The following BMPR1B variants were observed in gnomAD, a reference collection of about 807,000 sequenced individuals.
BMPR1B encodes the protein bone morphogenetic protein receptor type-1B.
BMPR1B carries 12 observed loss-of-function variants against 59.1 expected under a neutral mutation model. That is an observed-to-expected ratio of 0.20 (90% CI 0.13 to 0.33). The LOEUF (loss-of-function observed/expected upper bound fraction) is 0.33, where lower values mean the gene tolerates loss of function less well. Ranked by LOEUF, BMPR1B falls within the 10% of genes least tolerant of loss-of-function variation. The pLI is 1.00. For synonymous variants in BMPR1B, 237 were observed against 207.3 expected, an observed-to-expected ratio of 1.14 and a Z score of -1.23; for missense variants, 550 against 610.9, an observed-to-expected ratio of 0.90 and a Z score of 1.05.
intron 10 of BMPR1B, among the ~76,000 whole-genome samples, chr4:95,141,049 G>A (rs1734197892): frequency 6.6e-6 from 1 of 152,152 alleles, no homozygotes; most frequent in Non-Finnish European, 1.5e-5. Context: ...TCAGATGTTG[G>A]CTGTGCAGAC....
At chr4:94,848,364 T>G (rs1725424150) in intron 1 of BMPR1B, among the ~76,000 whole-genome samples, 1 of 152,216 alleles carries the variant, frequency 6.6e-6, no homozygotes, top group African/African-American at 2.4e-5. Flanking sequence ...AATTAATCAC[T>G]GCTTTGACTT....
intron 2 of BMPR1B, among the ~76,000 whole-genome samples, chr4:94,934,843 T>C (rs944048430): frequency 2.0e-5 from 3 of 152,148 alleles, no homozygotes; most frequent in Admixed American, 2.0e-4. Flanking sequence ...AGTTTTCTTT[T>C]TTCATATTTT....
chr4:94,898,529 AG>A (rs1052906363), intron 2 of BMPR1B, among the ~76,000 whole-genome samples: 2 of 151,946 alleles, frequency 1.3e-5, no homozygotes, highest in Non-Finnish European at 2.9e-5. Context: ...TCCTTTGCTC[AG>A]CGTTTCTTTT....
intron 8 of BMPR1B, among the ~76,000 whole-genome samples, chr4:95,125,465 C>T (rs1732840919): frequency 6.6e-6 from 1 of 152,126 alleles, no homozygotes; most frequent in African/African-American, 2.4e-5. Context: ...AGTATTACAA[C>T]CAACTGGCTT....
Position 95,114,790 on chromosome 4 carries a change from C to T in BMPR1B, c.214C>T (p.Leu72=), listed in dbSNP as rs759149974. The change falls in exon 5 of 13, where the codon CTA becomes TTA. Residue 72 remains leucine, a synonymous_variant. Coordinates refer to ENST00000515059, the MANE Select transcript of BMPR1B (RefSeq NM_001203.3). The part of the protein sequence containing the change: ...SGLPVVTSGC[L]GLEGSDFQCR... ...GTTGCCTGTGGTCACTTCTGGTTGC[C>T]TAGGACTAGAAGGCTCAGATTTTCA... The T allele has an allele frequency of 2.5e-6, 4 of 1,613,154 alleles. No homozygotes were observed. The highest frequency in any genetic ancestry group is 1.3e-5 in the African/African-American group (1 of 74,832).
chr4:94,947,647 G>T (rs1018735741), intron 2 of BMPR1B, among the ~76,000 whole-genome samples: 3 of 152,214 alleles, frequency 2.0e-5, no homozygotes, highest in African/African-American at 7.2e-5. Flanking sequence ...TAGACAGACA[G>T]GATTTTGGAG....
intron 1 of BMPR1B, among the ~76,000 whole-genome samples, chr4:94,844,085 C>G (rs1055071165): frequency 3.3e-5 from 5 of 152,100 alleles, no homozygotes; most frequent in African/African-American, 1.2e-4. Context: ...CTAGAGATCT[C>G]ATGTGCAGCA....
chr4:95,008,946 T>C (rs1398167247), intron 3 of BMPR1B, among the ~76,000 whole-genome samples: 3 of 152,048 alleles, frequency 2.0e-5, no homozygotes, highest in Non-Finnish European at 4.4e-5. Context: ...TCCCAGTGCT[T>C]TGGAAGGCTG....
At chr4:94,921,664 C>G (rs1273352507) in intron 2 of BMPR1B, among the ~76,000 whole-genome samples, 2 of 152,136 alleles carry the variant, frequency 1.3e-5, no homozygotes, top group African/African-American at 4.8e-5. Context: ...CCTTGATCCA[C>G]TCATCTCCCA....
chr4:94,987,546 T>C (rs1186327806), intron 2 of BMPR1B, among the ~76,000 whole-genome samples: 1 of 152,112 alleles, frequency 6.6e-6, no homozygotes, highest in Non-Finnish European at 1.5e-5. Context: ...TGGTTTTTGC[T>C]GAGTCCCTCC....
intron 1 of BMPR1B, among the ~76,000 whole-genome samples, chr4:94,816,509 C>G (rs763326293): frequency 3.9e-5 from 6 of 152,100 alleles, no homozygotes; most frequent in Non-Finnish European, 8.8e-5. Flanking sequence ...TGTAACTCTT[C>G]ACTCTGTTTG....
At position 95,152,719 on chromosome 4, in the gene BMPR1B, T is replaced by G. The variant is rs1432975995; in HGVS notation, c.1329T>G (p.Ile443Met). ...SDPSYEDMRE[I>M]VCIKKLRPSF... ...CCTCTTATGAGGACATGAGGGAGATTGTGTGCATCAAGAAGTTACGCCCCT... is the reference window on the plus strand; with the variant it reads ...CCTCTTATGAGGACATGAGGGAGATGGTGTGCATCAAGAAGTTACGCCCCT... Residue 443 changes from isoleucine (I) to methionine (M), a missense_variant, in exon 12 of 13, where the codon ATT (isoleucine) becomes ATG (methionine). Around this residue, in one of 6 missense-constraint regions of BMPR1B, gnomAD observed 123 missense variants for 164.6 expected, o/e 0.75. Coordinates refer to ENST00000515059, the MANE Select transcript of BMPR1B (RefSeq NM_001203.3). The G allele has an allele frequency of 1.2e-6, 2 of 1,606,202 alleles. No homozygotes were observed. The highest frequency in any genetic ancestry group is 1.1e-5 in the South Asian group (1 of 89,076).
intron 2 of BMPR1B, among the ~76,000 whole-genome samples, chr4:94,907,940 T>C (rs1399578067): frequency 1.3e-5 from 2 of 150,546 alleles, no homozygotes; most frequent in East Asian, 2.0e-4. Flanking sequence ...TTCGCAGATA[T>C]TTGGGAGGTT....
chr4:94,760,365 T>G (rs1447231047), intron 1 of BMPR1B, among the ~76,000 whole-genome samples: 1 of 152,250 alleles, frequency 6.6e-6, no homozygotes, highest in Non-Finnish European at 1.5e-5. Flanking sequence ...GGAAATTGAC[T>G]TAAATTTTTC....
At chr4:94,809,778 T>C (rs1225232979) in intron 1 of BMPR1B, among the ~76,000 whole-genome samples, 1 of 152,234 alleles carries the variant, frequency 6.6e-6, no homozygotes, top group Non-Finnish European at 1.5e-5. Flanking sequence ...CTTGCTCCCG[T>C]AGGGAACAAA....
intron 3 of BMPR1B, chr4:95,103,603 T>G: frequency 1.8e-6 from 1 of 544,606 alleles, no homozygotes. Flanking sequence ...TTATCTCCAT[T>G]TTAAGGATAA....
chr4:94,878,580 C>G (rs980178405), intron 2 of BMPR1B, among the ~76,000 whole-genome samples: 2 of 152,108 alleles, frequency 1.3e-5, no homozygotes, highest in African/African-American at 2.4e-5. Flanking sequence ...TGAAAACAGG[C>G]CCATTTCAAA....
At chr4:95,085,501 A>G (rs775225741) in intron 3 of BMPR1B, among the ~76,000 whole-genome samples, 4 of 152,152 alleles carry the variant, frequency 2.6e-5, no homozygotes, top group South Asian at 4.1e-4. Context: ...GGAGGCAGAA[A>G]AGGATCTCAG....
At chr4:94,928,511 C>A (rs991140488) in intron 2 of BMPR1B, among the ~76,000 whole-genome samples, 1 of 150,652 alleles carries the variant, frequency 6.6e-6, no homozygotes. Context: ...CTGGTTGATT[C>A]TTTTGAGACA....
Sources: gnomAD v4.1 joint callset for allele counts (sites outside exome capture counted in the v4.1 genomes callset) on GRCh38, gnomAD v4.1.1 for gene constraint, gnomAD v4.1.1 regional missense constraint, MANE v1.5 for transcripts, NCBI Gene and HGNC (gene_info 2026-07-23, HGNC 2026-07-21) for gene names.